Variants in PAX7 observed in about 807,000 individuals in gnomAD.
The protein encoded by PAX7 is paired box 7.
Under a neutral mutation model 50.7 loss-of-function variants are expected in PAX7, and 18 were observed. That is an observed-to-expected ratio of 0.36 (90% CI 0.25 to 0.53). The LOEUF (loss-of-function observed/expected upper bound fraction) is 0.53, where lower values mean the gene tolerates loss of function less well. PAX7 is among the 20% of genes least tolerant of loss of function. The pLI, the probability that PAX7 is intolerant of heterozygous loss-of-function variation, is 0.93. For missense variants in PAX7, 644 were observed against 702.9 expected, an observed-to-expected ratio of 0.92 and a Z score of 0.95; for synonymous variants, 310 against 290.4, an observed-to-expected ratio of 1.07 and a Z score of -0.69.
In PAX7 at chr1:18,735,511, A is replaced by G; in HGVS notation, c.1156-121A>G. ...TAAACTGAGGACCTCGAAGCTACAG[A>G]GACTTCAAGGGAACAACTCTGGCAA... On this transcript the variant is annotated intron_variant, in intron 7 of 8. Transcript: ENST00000420770. This position sits in a 1 kb window ranked among gnomAD's most constrained non-coding sequence, Gnocchi z 4.0. 1 of 1,492,720 alleles carries G rather than the reference A, an allele frequency of 6.7e-7. No individual in the cohort carries two copies. Among genetic ancestry groups the G allele is most frequent in the Non-Finnish European group, 8.9e-7 (1 of 1,117,636 alleles). The allele number at this position is 1,492,720 out of a possible 1,614,324, so 92.5% of individuals were successfully genotyped here.
intron 7 of PAX7, among the ~76,000 whole-genome samples, chr1:18,728,996 T>TGG (rs2089613779): frequency 1.3e-5 from 2 of 152,188 alleles, no homozygotes; most frequent in Non-Finnish European, 2.9e-5. Context: ...GTCCTCAGCC[T>TGG]GCTCTGACAG....
At chr1:18,740,562 AGC>A (rs1381851368) in intron 8 of PAX7, among the ~76,000 whole-genome samples, 1 of 152,242 alleles carries the variant, frequency 6.6e-6, no homozygotes, top group Non-Finnish European at 1.5e-5. Flanking sequence ...CATGCCTGCC[AGC>A]ACACAGTAGG....
At chr1:18,693,619 G>A (rs2089108432) in intron 5 of PAX7, among the ~76,000 whole-genome samples, 1 of 152,162 alleles carries the variant, frequency 6.6e-6, no homozygotes, top group Non-Finnish European at 1.5e-5. Flanking sequence ...GGGGTCCTTC[G>A]CTTCCTTTGA....
chr1:18,655,520 G>A (rs1188175458), intron 4 of PAX7, among the ~76,000 whole-genome samples: 1 of 152,188 alleles, frequency 6.6e-6, no homozygotes, highest in Non-Finnish European at 1.5e-5. Flanking sequence ...ACCCTCCACA[G>A]TCCCCAGTGT....
In PAX7 at chr1:18,631,235, GC is replaced by G. The variant is rs558026798; in HGVS notation, c.-363del. 4.0e-6 allele frequency: 1 copy of G among 248,880 alleles called. No individual in the cohort carries two copies. The allele number at this position is 248,880 out of a possible 1,614,324, so 15.4% of individuals were successfully genotyped here. ...CCTCGATTCCGGCCGCGTTCCCCCGGCCCCCCTCCGCCGCGGGGCCTGGTCT... is the reference window on the plus strand; with the variant it reads ...CCTCGATTCCGGCCGCGTTCCCCCGGCCCCCTCCGCCGCGGGGCCTGGTCT... On this transcript the variant is annotated 5_prime_UTR_variant, in exon 1 of 9. Coordinates refer to ENST00000420770, the MANE Select transcript of PAX7 (RefSeq NM_001135254.2).
intron 4 of PAX7, among the ~76,000 whole-genome samples, chr1:18,637,119 C>A (rs1393486177): frequency 1.3e-5 from 2 of 152,146 alleles, no homozygotes; most frequent in Non-Finnish European, 2.9e-5. Flanking sequence ...GAGTCTGAGT[C>A]CTGCGCCATG....
Position 18,735,921 on chromosome 1 carries a change from C to T in PAX7, c.1402+43C>T, listed in dbSNP as rs766861924. On this transcript the variant is annotated intron_variant, in intron 8 of 8. Transcript: ENST00000420770. The surrounding 1 kb of genome is among the most constrained non-coding windows in gnomAD (Gnocchi z 4.0). ...TGGGCGTCCCCCGTCCCCATTCCTT[C>T]TCCCACCCCCAGGGCCTCCTGCTTG... 4.3e-6 allele frequency: 7 copies of T among 1,613,900 alleles called. No individual in the cohort carries two copies. The Middle Eastern group carries it at 4.9e-4, about 114-fold the overall frequency.
Position 18,631,647 on chromosome 1 carries a change from C to T in PAX7, c.44C>T (p.Ala15Val), listed in dbSNP as rs1360031571. The T allele has an allele frequency of 4.3e-6, 7 of 1,613,102 alleles. No individual in the cohort carries two copies. The African/African-American group carries it at 5.3e-5, about 12-fold the overall frequency. ...PGTVPRMMRP[A>V]PGQNYPRTGF... is the part of the protein sequence containing the mutation. ...ACGGTACCGAGAATGATGCGGCCGGCTCCGGGGCAGAACTACCCCCGCACG... is the reference window on the plus strand; with the variant it reads ...ACGGTACCGAGAATGATGCGGCCGGTTCCGGGGCAGAACTACCCCCGCACG... Residue 15 changes from alanine (A) to valine (V), a missense_variant, in exon 1 of 9, where the codon GCT (alanine) becomes GTT (valine). Ala to Val is a moderately conservative substitution (Grantham distance 64). Transcript: ENST00000420770.
intron 4 of PAX7, among the ~76,000 whole-genome samples, chr1:18,654,495 G>A (rs778443333): frequency 4.0e-5 from 6 of 151,516 alleles, no homozygotes; most frequent in Non-Finnish European, 7.3e-5. Context: ...TGGTGCTCAT[G>A]TGCAATGCCT....
chr1:18,690,543 G>C (rs1430276481), intron 4 of PAX7, among the ~76,000 whole-genome samples: 1 of 152,192 alleles, frequency 6.6e-6, no homozygotes, highest in East Asian at 1.9e-4. Flanking sequence ...AGCTAAGGAG[G>C]CTGAGCAGGG....
chr1:18,654,425 A>G (rs1332399959), intron 4 of PAX7, among the ~76,000 whole-genome samples: 1 of 152,182 alleles, frequency 6.6e-6, no homozygotes, highest in Non-Finnish European at 1.5e-5. Flanking sequence ...TGCATGCTGA[A>G]CCCAGCTCCA....
chr1:18,675,788 G>T (rs953479724), intron 4 of PAX7, among the ~76,000 whole-genome samples: 1 of 152,132 alleles, frequency 6.6e-6, no homozygotes, highest in African/African-American at 2.4e-5. Flanking sequence ...TATCTTGAAG[G>T]CATGGCTCTA....
intron 5 of PAX7, among the ~76,000 whole-genome samples, chr1:18,697,353 G>A (rs191972420): frequency 2.6e-5 from 4 of 152,122 alleles, no homozygotes; most frequent in African/African-American, 4.8e-5. Context: ...CTCTGTAAAC[G>A]GGCAGCTCAT....
At chr1:18,648,668 A>G (rs1387731588) in intron 4 of PAX7, among the ~76,000 whole-genome samples, 2 of 152,028 alleles carry the variant, frequency 1.3e-5, no homozygotes, top group African/African-American at 4.8e-5. Context: ...ATCAAACCCT[A>G]GGTTGTGTGG....
intron 4 of PAX7, among the ~76,000 whole-genome samples, chr1:18,666,818 C>A (rs2088676131): frequency 6.6e-6 from 1 of 152,224 alleles, no homozygotes; most frequent in Admixed American, 6.5e-5. Flanking sequence ...GGCCTCGGGC[C>A]TCTCAGCATT....
At chr1:18,727,375 C>CAT (rs2089588093) in intron 7 of PAX7, among the ~76,000 whole-genome samples, 1 of 33,782 alleles carries the variant, frequency 3.0e-5, no homozygotes, top group African/African-American at 3.2e-4. Context: ...CTCTCATACA[C>CAT]ACACACACAC....
intron 4 of PAX7, among the ~76,000 whole-genome samples, chr1:18,676,080 T>C (rs1455655259): frequency 6.6e-6 from 1 of 152,226 alleles, no homozygotes; most frequent in Non-Finnish European, 1.5e-5. Flanking sequence ...AGCAATCATT[T>C]GGCTAAGTAA....
chr1:18,641,293 G>T (rs1009804246), intron 4 of PAX7, among the ~76,000 whole-genome samples: 2 of 152,222 alleles, frequency 1.3e-5, no homozygotes, highest in African/African-American at 2.4e-5. Flanking sequence ...GCAATTATCC[G>T]CCCCAGAGAG....
chr1:18,730,733 G>C (rs557585936), intron 7 of PAX7, among the ~76,000 whole-genome samples: 1 of 152,078 alleles, frequency 6.6e-6, no homozygotes, highest in African/African-American at 2.4e-5. Flanking sequence ...AGGGGAGCGC[G>C]CCGGCATGTC....
Sources: gnomAD v4.1 joint callset for allele counts (sites outside exome capture counted in the v4.1 genomes callset) on GRCh38, gnomAD v4.1.1 for gene constraint, Gnocchi (gnomAD v3.1) non-coding constraint, MANE v1.5 for transcripts, NCBI Gene and HGNC (gene_info 2026-07-23, HGNC 2026-07-21) for gene names.